The following FGD5 variants were observed in gnomAD, a reference collection of about 807,000 sequenced individuals.
FGD5 encodes FYVE, RhoGEF and PH domain containing 5, also known as FYVE, RhoGEF and PH domain-containing protein 5.
FGD5 carries 28 observed loss-of-function variants against 133.4 expected under a neutral mutation model. The observed-to-expected ratio is 0.21, with a 90% CI of 0.16 to 0.29. FGD5 has a LOEUF of 0.29. Among genes scored for constraint, FGD5 ranks in the 10% least tolerant of loss-of-function variants. FGD5 has a pLI of 1.00. For synonymous variants in FGD5, 810 were observed against 776.5 expected, an observed-to-expected ratio of 1.04 and a Z score of -0.72; for missense variants, 1,858 against 1,895.2, an observed-to-expected ratio of 0.98 and a Z score of 0.36.
At chr3:14,897,704 G>C (rs919109133) in intron 5 of FGD5, 35 bp downstream of exon 5, 1 of 1,562,796 alleles carries the variant, frequency 6.4e-7, no homozygotes. Context: ...TTCCACTTTT[G>C]TTGCACTGGG....
intron 7 of FGD5, 111 bp from the exon 8 acceptor site, chr3:14,900,292 G>A (rs771320719): frequency 1.6e-5 from 17 of 1,034,460 alleles, no homozygotes; most frequent in Non-Finnish European, 2.5e-5. Context: ...AGGGGAGAGA[G>A]GGTGGATGCT....
At chr3:14,920,994 A>G (rs138626000) in intron 13 of FGD5, among the ~76,000 whole-genome samples, 1 of 152,364 alleles carries the variant, frequency 6.6e-6, no homozygotes, top group East Asian at 1.9e-4. Flanking sequence ...AATCAAGGGC[A>G]GGAGGCTGCC....
chr3:14,915,050 G>C (rs2038525237), intron 11 of FGD5, among the ~76,000 whole-genome samples: 1 of 152,256 alleles, frequency 6.6e-6, no homozygotes, highest in Admixed American at 6.5e-5. Flanking sequence ...ATCATGGGTT[G>C]TCTGTGGCTG....
intron 1 of FGD5, among the ~76,000 whole-genome samples, chr3:14,828,755 C>G (rs1454038269): frequency 1.3e-5 from 2 of 151,328 alleles, no homozygotes; most frequent in Non-Finnish European, 2.9e-5. Context: ...AGTGGTATAT[C>G]CAGTTGGCTA....
At chr3:14,883,584 C>T (rs2037870196) in intron 4 of FGD5, among the ~76,000 whole-genome samples, 1 of 152,246 alleles carries the variant, frequency 6.6e-6, no homozygotes, top group Non-Finnish European at 1.5e-5. Context: ...TCCATCCATT[C>T]ATCTATCCAT....
chr3:14,880,807 G>T (rs556600504), intron 4 of FGD5, 35 bp downstream of exon 4: 2 of 1,608,898 alleles, frequency 1.2e-6, no homozygotes, highest in South Asian at 2.2e-5. Context: ...AAAACTAATT[G>T]CCCTTTTACA....
At chr3:14,914,377 C>T (rs1047527925) in intron 11 of FGD5, among the ~76,000 whole-genome samples, 25 of 152,190 alleles carry the variant, frequency 1.6e-4, no homozygotes, top group Non-Finnish European at 3.7e-4. Context: ...CAGTGGGAAG[C>T]CCCCCTACCC....
intron 4 of FGD5, among the ~76,000 whole-genome samples, chr3:14,893,914 G>T (rs13060714): frequency 0.018 from 2,736 of 151,628 alleles, 38 homozygotes; most frequent in Non-Finnish European, 0.03. Context: ...CCGGCCATCA[G>T]ACCTGGCTAA....
At position 14,900,398 on chromosome 3, in the gene FGD5, A is replaced by C. The variant is rs1575243331; in HGVS notation, c.3155-5A>C. 1 of 1,613,270 alleles carries C rather than the reference A, an allele frequency of 6.2e-7. No individual in the cohort carries two copies. On this transcript the variant is annotated splice_polypyrimidine_tract_variant and splice_region_variant and intron_variant, in intron 7 of 19. Coordinates refer to ENST00000285046, the MANE Select transcript of FGD5 (RefSeq NM_152536.4). ...GCTGACTCCTGGTTCTTATCCTGCC[A>C]ACAGACTATTTAAACAACCTTTGTC...
Position 14,934,514 on chromosome 3 carries a change from C to T in FGD5, c.*1347C>T, listed in dbSNP as rs1325160541. 6.6e-6 allele frequency: 1 copy of T among 151,934 alleles called. No individual in the cohort carries two copies. The highest frequency in any genetic ancestry group is 1.5e-5 in the Non-Finnish European group (1 of 67,986). The allele number at this position is 151,934 out of a possible 1,614,324, so 9.4% of individuals were successfully genotyped here. ...ATATTTTCAGGGGAATTTTTTTTTCCAGTTTGCAGTTCTTTTAAAATGTTT... is the reference window on the plus strand; with the variant it reads ...ATATTTTCAGGGGAATTTTTTTTTCTAGTTTGCAGTTCTTTTAAAATGTTT... On this transcript the variant is annotated 3_prime_UTR_variant, in exon 20 of 20. Coordinates refer to ENST00000285046, the MANE Select transcript of FGD5 (RefSeq NM_152536.4).
intron 17 of FGD5, among the ~76,000 whole-genome samples, chr3:14,924,585 A>G (rs2038757579): frequency 6.6e-6 from 1 of 152,196 alleles, no homozygotes; most frequent in Admixed American, 6.5e-5. Flanking sequence ...GTATCCCACA[A>G]ATAGGACCAG....
intron 12 of FGD5, among the ~76,000 whole-genome samples, chr3:14,918,377 G>C (rs2038602016): frequency 6.6e-6 from 1 of 152,230 alleles, no homozygotes; most frequent in Non-Finnish European, 1.5e-5. Context: ...AGGGGAAGGA[G>C]GAAGCACCTT....
intron 1 of FGD5, among the ~76,000 whole-genome samples, chr3:14,825,236 CT>C (rs984377549): frequency 1.3e-5 from 2 of 152,052 alleles, no homozygotes; most frequent in African/African-American, 4.8e-5. Flanking sequence ...TGTTAACAGT[CT>C]TTTATAAATT....
At chr3:14,898,199 G>A in intron 6 of FGD5, 104 bp downstream of exon 6, 1 of 1,476,628 alleles carries the variant, frequency 6.8e-7, no homozygotes, top group Non-Finnish European at 9.3e-7. Context: ...GTGTGGGGCT[G>A]GGGAGCAGAC....
At chr3:14,813,594 A>T (rs553258004) in intron 1 of FGD5, among the ~76,000 whole-genome samples, 11 of 152,194 alleles carry the variant, frequency 7.2e-5, no homozygotes, top group Non-Finnish European at 1.5e-4. Context: ...AGGGTGTCTT[A>T]AGAAGAGCCA....
rs184338881 is a variant in FGD5, at chr3:14,922,069, C to T, written c.3669+52C>T. ...CCACCAGCTTCAGAGACCTGGGGTT[C>T]CCTGGGCGGGCATTGCTGTTGCCAC... On this transcript the variant is annotated intron_variant, in intron 14 of 19. Coordinates refer to ENST00000285046, the MANE Select transcript of FGD5 (RefSeq NM_152536.4). The surrounding 1 kb of genome is among the most constrained non-coding windows in gnomAD (Gnocchi z 4.1). 1.3e-6 allele frequency: 2 copies of T among 1,532,164 alleles called. No homozygotes were observed. The highest frequency in any genetic ancestry group is 2.4e-5 in the East Asian group (1 of 40,840). 94.9% of individuals were successfully genotyped at this position (1,532,164 alleles called of 1,614,324 possible).
rs1223286139 is a variant in FGD5 at position 14,856,655 on chromosome 3, T to C, written c.2526-7473T>C. 2.0e-5 allele frequency among the ~76,000 whole-genome samples: 3 copies of C among 152,168 alleles called. No homozygotes were observed. In the East Asian group the frequency reaches 5.8e-4, roughly 29 times the overall value. ...TTGTAAATGTAGTATTGTGATTTTT[T>C]TTTTGTAGCTCTTGAAAAATCGTTC... On this transcript the variant is annotated intron_variant, in intron 1 of 19. Coordinates refer to ENST00000285046, the MANE Select transcript of FGD5 (RefSeq NM_152536.4).
chr3:14,811,002 C>G, intron 1 of FGD5: 1 of 741,100 alleles, frequency 1.3e-6, no homozygotes, highest in Non-Finnish European at 1.6e-6. Flanking sequence ...TCGGCCTCGG[C>G]CAAAGCATGC....
Position 14,923,148 on chromosome 3 carries a change from G to A in FGD5, c.3910G>A (p.Gly1304Ser), listed in dbSNP as rs2038721517. Residue 1304 changes from glycine to serine, a missense_variant, in exon 16 of 20, where the codon GGC becomes AGC. By Grantham distance (56) the Gly-to-Ser change is moderately conservative. Around this residue, in one of 3 missense-constraint regions of FGD5, gnomAD observed 1,824 missense variants for 1,848.9 expected, o/e 0.99. Transcript: ENST00000285046. ...CTGCTTCGGGGAGCTGAAGAAGCGG[G>A]GCAGGGCTGTCCCGGGCCTGATGAG... ...DGCFGELKKRGRAVPGLMRER... is the reference protein window; with the variant it reads ...DGCFGELKKRSRAVPGLMRER... The A allele has an allele frequency of 1.2e-6, 2 of 1,613,656 alleles. No homozygotes were observed. The highest frequency in any genetic ancestry group is 1.7e-6 in the Non-Finnish European group (2 of 1,179,832).
Sources: allele counts gnomAD v4.1 joint callset (sites outside exome capture counted in the v4.1 genomes callset), GRCh38; gene constraint gnomAD v4.1.1; regional missense constraint gnomAD v4.1.1; non-coding constraint Gnocchi (gnomAD v3.1); transcripts MANE v1.5; gene names NCBI Gene and HGNC (gene_info 2026-07-23, HGNC 2026-07-21).